The following NKAIN3 variants were observed in gnomAD, a reference collection of about 807,000 sequenced individuals.
NKAIN3 encodes sodium/potassium-transporting ATPase subunit beta-1-interacting protein 3.
A neutral mutation model predicts 30.2 loss-of-function variants in NKAIN3; 25 were observed. The observed-to-expected ratio is 0.83, with a 90% CI of 0.60 to 1.16. NKAIN3 has a LOEUF of 1.16. Ranked by LOEUF, NKAIN3 falls within the 50% of genes most tolerant of loss-of-function variation. NKAIN3 has a pLI of 0.00. For missense variants in NKAIN3, 225 were observed against 254.1 expected, an observed-to-expected ratio of 0.89 and a Z score of 0.78; for synonymous variants, 91 against 89.6, an observed-to-expected ratio of 1.02 and a Z score of -0.09.
chr8:62,452,292 A>C (rs1027943158), intron 1 of NKAIN3, among the ~76,000 whole-genome samples: 1 of 152,132 alleles, frequency 6.6e-6, no homozygotes. Flanking sequence ...CCTGGCCAAC[A>C]TAGCGAAACC....
chr8:62,392,167 T>A (rs2129594624), intron 1 of NKAIN3, among the ~76,000 whole-genome samples: 1 of 152,152 alleles, frequency 6.6e-6, no homozygotes, highest in African/African-American at 2.4e-5. Context: ...ATAGGAAAAC[T>A]CCATGCTTTT....
chr8:62,402,636 A>G (rs1213126271), intron 1 of NKAIN3, among the ~76,000 whole-genome samples: 1 of 152,082 alleles, frequency 6.6e-6, no homozygotes, highest in Non-Finnish European at 1.5e-5. Context: ...CCCTGTGAAG[A>G]AGGATTTGTT....
Position 62,984,022 on chromosome 8 carries a change from TG to T in NKAIN3, c.*18618del, listed in dbSNP as rs1260262969. 1 of 152,226 alleles carries T rather than the reference TG, an allele frequency of 6.6e-6. No homozygotes were observed. Among genetic ancestry groups the T allele is most frequent in the Non-Finnish European group, 1.5e-5 (1 of 68,044 alleles). 9.4% of individuals were successfully genotyped at this position (152,226 alleles called of 1,614,324 possible). On this transcript the variant is annotated 3_prime_UTR_variant, in exon 7 of 7. Coordinates refer to ENST00000623646, the MANE Select transcript of NKAIN3 (RefSeq NM_001304533.3). ...AAAAGCAATGCTCAAAGGGAGTGCC[TG>T]GGTAACCATGATGTAATTGCAGATT...
intron 1 of NKAIN3, among the ~76,000 whole-genome samples, chr8:62,560,833 G>A (rs1178113749): frequency 2.6e-5 from 4 of 151,952 alleles, no homozygotes; most frequent in Middle Eastern, 3.2e-3. Flanking sequence ...GAGCCATCAC[G>A]GAATCTTTTC....
intron 1 of NKAIN3, among the ~76,000 whole-genome samples, chr8:62,391,739 A>G (rs1464555638): frequency 6.6e-6 from 1 of 152,016 alleles, no homozygotes; most frequent in Non-Finnish European, 1.5e-5. Context: ...ATAATAAGAA[A>G]CGTTATCTAA....
chr8:62,602,898 C>T (rs1811023368), intron 3 of NKAIN3, among the ~76,000 whole-genome samples: 1 of 152,082 alleles, frequency 6.6e-6, no homozygotes, highest in Admixed American at 6.6e-5. Flanking sequence ...CATTTCAGAA[C>T]ATTACATAGC....
chr8:62,819,152 C>CAT (rs71903705), intron 4 of NKAIN3, among the ~76,000 whole-genome samples: 132 of 144,434 alleles, frequency 9.1e-4, no homozygotes, highest in Middle Eastern at 3.7e-3. Context: ...TATATATATA[C>CAT]ATATATATAT....
At chr8:62,987,652 A>G (rs1439717666), downstream of NKAIN3, among the ~76,000 whole-genome samples, 1 of 151,842 alleles carries the variant, frequency 6.6e-6, no homozygotes, top group Non-Finnish European at 1.5e-5. Context: ...ATGATTCAAT[A>G]ACCTCCCACT....
chr8:62,376,273 T>G (rs973799833), intron 1 of NKAIN3, among the ~76,000 whole-genome samples: 2 of 152,240 alleles, frequency 1.3e-5, no homozygotes, highest in African/African-American at 2.4e-5. Context: ...ACACCTAATA[T>G]GGAATTTAAA....
chr8:62,426,321 A>C (rs1804807926), intron 1 of NKAIN3, among the ~76,000 whole-genome samples: 1 of 152,002 alleles, frequency 6.6e-6, no homozygotes, highest in African/African-American at 2.4e-5. Context: ...GAGCCTTACC[A>C]GAAAATCACT....
intron 1 of NKAIN3, among the ~76,000 whole-genome samples, chr8:62,407,346 A>G (rs1418052486): frequency 6.7e-6 from 1 of 149,428 alleles, no homozygotes; most frequent in African/African-American, 2.5e-5. Flanking sequence ...GTATATAGAG[A>G]GTTTTAAAAA....
At chr8:62,334,886 C>A (rs948878102) in intron 1 of NKAIN3, among the ~76,000 whole-genome samples, 5 of 152,036 alleles carry the variant, frequency 3.3e-5, no homozygotes, top group Non-Finnish European at 1.5e-5. Context: ...CACACACTCT[C>A]TCTAGCAGAG....
chr8:62,683,737 G>A (rs1262299255), intron 3 of NKAIN3, among the ~76,000 whole-genome samples: 3 of 152,102 alleles, frequency 2.0e-5, no homozygotes, highest in Admixed American at 6.5e-5. Flanking sequence ...GCCCCACCCT[G>A]AGAAGATGGA....
chr8:62,928,520 A>G (rs1219202441), intron 5 of NKAIN3, among the ~76,000 whole-genome samples: 3 of 152,138 alleles, frequency 2.0e-5, no homozygotes, highest in African/African-American at 7.2e-5. Flanking sequence ...TGTGTCAGAG[A>G]CTGGCTGGCT....
chr8:62,891,026 A>G (rs561387319), intron 4 of NKAIN3, among the ~76,000 whole-genome samples: 4 of 152,312 alleles, frequency 2.6e-5, no homozygotes, highest in Admixed American at 6.5e-5. Flanking sequence ...TCTGAAGGCC[A>G]ATGGGCAGAG....
chr8:62,562,109 G>T (rs962357123), intron 1 of NKAIN3, among the ~76,000 whole-genome samples: 2 of 152,138 alleles, frequency 1.3e-5, no homozygotes, highest in African/African-American at 4.8e-5. Flanking sequence ...TAGCAGAGAA[G>T]CCAGGAGACA....
At chr8:62,572,513 A>G (rs1809975911) in intron 1 of NKAIN3, among the ~76,000 whole-genome samples, 1 of 151,956 alleles carries the variant, frequency 6.6e-6, no homozygotes, top group Non-Finnish European at 1.5e-5. Flanking sequence ...GCAACACCTC[A>G]CTCTACTGGT....
chr8:62,312,196 T>C lies in NKAIN3; in HGVS notation c.54+63069T>C, dbSNP rs184240250. 3.3e-5 allele frequency among the ~76,000 whole-genome samples: 5 copies of C among 150,866 alleles called. No homozygotes were observed. In the East Asian group the frequency reaches 7.7e-4, roughly 23 times the overall value. On this transcript the variant is annotated intron_variant, in intron 1 of 6. Transcript: ENST00000623646. ...CTTCATGTCTTTTTGAAATAGATGA[T>C]ATTGATTAATTCAATGGATACTTTT...
chr8:62,578,904 G>A (rs112927285), intron 1 of NKAIN3, among the ~76,000 whole-genome samples: 391 of 151,874 alleles, frequency 2.6e-3, no homozygotes, highest in African/African-American at 9.1e-3. Context: ...AGGGGAGCGA[G>A]GAAAAGATAA....
Sources: gnomAD v4.1 joint callset for allele counts (sites outside exome capture counted in the v4.1 genomes callset) on GRCh38, gnomAD v4.1.1 for gene constraint, MANE v1.5 for transcripts, NCBI Gene and HGNC (gene_info 2026-07-23, HGNC 2026-07-21) for gene names.